Variants in IQGAP2 observed in about 807,000 individuals in gnomAD.
IQGAP2 encodes the protein ras GTPase-activating-like protein IQGAP2.
IQGAP2 carries 173 observed loss-of-function variants against 201.3 expected under a neutral mutation model. The observed-to-expected ratio is 0.86, with a 90% CI of 0.76 to 0.98. The LOEUF (loss-of-function observed/expected upper bound fraction) is 0.98, where lower values mean the gene tolerates loss of function less well. IQGAP2 is among the 50% of genes least tolerant of loss of function. The probability of loss-of-function intolerance (pLI) is 0.00; values close to 1 mark genes in which losing one functional copy is unlikely to be tolerated. For synonymous variants in IQGAP2, 675 were observed against 673.9 expected (o/e 1.00, Z -0.03); for missense variants, 1,687 against 1,864.8 (o/e 0.90, Z 1.76).
chr5:76,512,945 C>T (rs894593120), intron 2 of IQGAP2, among the ~76,000 whole-genome samples: 6 of 152,060 alleles, frequency 3.9e-5, no homozygotes, highest in African/African-American at 1.4e-4. Flanking sequence ...ATCCCAGCTA[C>T]TCAGGAGGCT....
At chr5:76,477,654 A>G (rs895136526) in intron 2 of IQGAP2, among the ~76,000 whole-genome samples, 13 of 152,290 alleles carry the variant, frequency 8.5e-5, no homozygotes, top group African/African-American at 3.1e-4. Context: ...AACTTTCTCT[A>G]CTTAAAATAA....
At chr5:76,530,329 C>T (rs10474479) in intron 2 of IQGAP2, among the ~76,000 whole-genome samples, 30,127 of 152,088 alleles carry the variant, frequency 0.2, 4,540 homozygotes, top group East Asian at 0.86. Context: ...GGATGAGTTT[C>T]GGGAAGAAAC....
intron 5 of IQGAP2, among the ~76,000 whole-genome samples, chr5:76,584,536 C>A (rs1455677772): frequency 6.6e-6 from 1 of 152,118 alleles, no homozygotes; most frequent in African/African-American, 2.4e-5. Flanking sequence ...AAAAGAAGAG[C>A]CTCAAAGTGA....
At chr5:76,553,354 A>G (rs944533894) in intron 2 of IQGAP2, among the ~76,000 whole-genome samples, 3 of 152,216 alleles carry the variant, frequency 2.0e-5, no homozygotes, top group Non-Finnish European at 4.4e-5. Flanking sequence ...AAGTTCATAG[A>G]ACAGGGCACT....
chr5:76,647,852 A>ACACACACACACACACACACACAC (rs558983752), intron 17 of IQGAP2, among the ~76,000 whole-genome samples: 6 of 142,838 alleles, frequency 4.2e-5, no homozygotes, highest in African/African-American at 1.4e-4. Flanking sequence ...CACACACACA[A>ACACACACACACACACACACACAC]ACGAAAAAAA....
At chr5:76,471,364 C>CAAAAAAAAAAAACAAAA (rs1755084204) in intron 2 of IQGAP2, among the ~76,000 whole-genome samples, 7 of 72,526 alleles carry the variant, frequency 9.7e-5, no homozygotes, top group South Asian at 5.2e-4. Context: ...ATAAACTAAG[C>CAAAAAAAAAAAACAAAA]AAAAAAAAAA....
chr5:76,480,982 C>T (rs1177914589), intron 2 of IQGAP2, among the ~76,000 whole-genome samples: 4 of 149,678 alleles, frequency 2.7e-5, no homozygotes, highest in Non-Finnish European at 4.4e-5. Flanking sequence ...CTGCATCCTC[C>T]GTTGGTGGAA....
rs1021309509 is a variant in IQGAP2, at chr5:76,496,795, C to T, written c.146+35126C>T. Among the ~76,000 whole-genome samples the T allele has an allele frequency of 3.0e-3, 266 of 89,508 alleles. 1 individual carries two copies. The highest frequency in any genetic ancestry group is 4.8e-3 in the Non-Finnish European group (213 of 44,464). 58.7% of individuals were successfully genotyped at this position (89,508 alleles called of 152,430 possible). On this transcript the variant is annotated intron_variant, in intron 2 of 35. Transcript: ENST00000274364. ...TTTCTTTCTTTCTTTCTTTCTTTCT[C>T]TTTCTTTCTTTCTCTTTCTTTCTTT...
intron 2 of IQGAP2, among the ~76,000 whole-genome samples, chr5:76,524,655 TATC>T (rs1758868815): frequency 6.6e-6 from 1 of 152,192 alleles, no homozygotes. Flanking sequence ...GAAGAAATGA[TATC>T]ATGGCCTAGT....
chr5:76,448,829 C>A (rs893327683), intron 1 of IQGAP2, among the ~76,000 whole-genome samples: 3 of 152,152 alleles, frequency 2.0e-5, no homozygotes, highest in African/African-American at 7.2e-5. Context: ...ATTATAATAT[C>A]ATCAGTGACT....
chr5:76,574,501 C>A (rs960446660), intron 4 of IQGAP2, among the ~76,000 whole-genome samples: 1 of 96,122 alleles, frequency 1.0e-5, no homozygotes, highest in East Asian at 5.0e-4. Flanking sequence ...AACTCCTGAC[C>A]TCAGGTGATC....
intron 30 of IQGAP2, among the ~76,000 whole-genome samples, chr5:76,690,162 C>G (rs1334288871): frequency 6.6e-6 from 1 of 152,082 alleles, no homozygotes; most frequent in East Asian, 1.9e-4. Context: ...CTGGTCAGAC[C>G]ATATCCAGAA....
At chr5:76,508,316 T>C (rs747783781) in intron 2 of IQGAP2, among the ~76,000 whole-genome samples, 2 of 151,640 alleles carry the variant, frequency 1.3e-5, no homozygotes, top group Non-Finnish European at 2.9e-5. Flanking sequence ...CAGACTCCCA[T>C]CTAAAAAAAT....
intron 2 of IQGAP2, among the ~76,000 whole-genome samples, chr5:76,525,053 C>G (rs1312754963): frequency 1.3e-5 from 2 of 152,168 alleles, no homozygotes; most frequent in East Asian, 3.8e-4. Flanking sequence ...TTTAAGTAAC[C>G]TCCCATGGGA....
intron 20 of IQGAP2, 147 bp downstream of exon 20, chr5:76,655,150 T>C: frequency 1.7e-6 from 1 of 583,258 alleles, no homozygotes; most frequent in South Asian, 2.5e-5. Context: ...AGGCCCCAGG[T>C]TCTAAACCAG....
chr5:76,502,468 A>G (rs1302437057), intron 2 of IQGAP2, among the ~76,000 whole-genome samples: 1 of 152,242 alleles, frequency 6.6e-6, no homozygotes, highest in African/African-American at 2.4e-5. Flanking sequence ...TGGCCATTAA[A>G]TGCCAACAGC....
intron 3 of IQGAP2, 32 bp from the exon 4 acceptor site, chr5:76,570,548 C>G (rs770047478): frequency 2.7e-6 from 4 of 1,491,190 alleles, no homozygotes; most frequent in Non-Finnish European, 3.7e-6. Flanking sequence ...GTGGTTCCTT[C>G]TCTCCCTTTT....
At chr5:76,467,521 A>G (rs1289030840) in intron 2 of IQGAP2, among the ~76,000 whole-genome samples, 6 of 152,162 alleles carry the variant, frequency 3.9e-5, no homozygotes, top group Non-Finnish European at 7.4e-5. Context: ...AGAAATCAAA[A>G]CTCATACATT....
intron 1 of IQGAP2, among the ~76,000 whole-genome samples, chr5:76,416,446 T>C (rs1273352638): frequency 6.6e-6 from 1 of 152,156 alleles, no homozygotes; most frequent in Non-Finnish European, 1.5e-5. Flanking sequence ...CGAGAAGCAC[T>C]GTGATAGCAA....
Sources: gnomAD v4.1 joint callset for allele counts (sites outside exome capture counted in the v4.1 genomes callset) on GRCh38, gnomAD v4.1.1 for gene constraint, MANE v1.5 for transcripts, NCBI Gene and HGNC (gene_info 2026-07-23, HGNC 2026-07-21) for gene names.